Variants in ARHGAP35 observed in about 807,000 individuals in gnomAD.
ARHGAP35 encodes Rho GTPase activating protein 35, also known as rho GTPase-activating protein 35.
Under a neutral mutation model 111.1 loss-of-function variants are expected in ARHGAP35, and 15 were observed. The ratio of observed to expected loss-of-function variants is 0.13; its 90% CI spans 0.09 to 0.21. The LOEUF (loss-of-function observed/expected upper bound fraction) is 0.21. Ranked by LOEUF, ARHGAP35 falls within the 10% of genes least tolerant of loss-of-function variation. The pLI is 1.00. For missense variants in ARHGAP35, 1,262 were observed against 1,873.0 expected, an observed-to-expected ratio of 0.67 and a Z score of 6.02; for synonymous variants, 643 against 710.3, an observed-to-expected ratio of 0.91 and a Z score of 1.51.
In ARHGAP35 at chr19:46,883,215, C is replaced by T. The variant is rs192782135; in HGVS notation, c.-189+22006C>T. 1.8e-4 allele frequency among the ~76,000 whole-genome samples: 28 copies of T among 152,202 alleles called. No individual in the cohort carries two copies. The East Asian group carries it at 5.2e-3, about 28-fold the overall frequency. The stretch of plus-strand genomic sequence containing the variant: ...GTTCAAGCGATCCTCCTGCCTTAGC[C>T]CCACTAGTAGCTGGGATTACAGGCA... On this transcript the variant is annotated intron_variant, in intron 1 of 6. Coordinates refer to ENST00000672722, the MANE Select transcript of ARHGAP35 (RefSeq NM_004491.5).
rs2056240156 is a variant in ARHGAP35 at position 46,926,664 on chromosome 19, A to G, written c.3681+4308A>G. Among the ~76,000 whole-genome samples the G allele has an allele frequency of 6.6e-6, 1 of 152,166 alleles. No individual in the cohort carries two copies. Among genetic ancestry groups the G allele is most frequent in the South Asian group, 2.1e-4 (1 of 4,828 alleles). On this transcript the variant is annotated intron_variant, in intron 2 of 6. Transcript: ENST00000672722. This position sits in a 1 kb window ranked among gnomAD's most constrained non-coding sequence, Gnocchi z 4.1. ...AAGACAAAACAGAATGATAAAGAAA[A>G]TCTTTCACTCACTGCAGCAACCACA...
intron 1 of ARHGAP35, among the ~76,000 whole-genome samples, chr19:46,877,992 G>A (rs1306213300): frequency 6.6e-6 from 1 of 152,020 alleles, no homozygotes; most frequent in Non-Finnish European, 1.5e-5. Context: ...ACAGGCATTA[G>A]CCACCGCTCC....
chr19:46,878,578 G>A (rs1350399755), intron 1 of ARHGAP35, among the ~76,000 whole-genome samples: 12 of 152,062 alleles, frequency 7.9e-5, no homozygotes, highest in Admixed American at 6.6e-4. Flanking sequence ...CTCGGCCTCC[G>A]GAAGTGCTGG....
At chr19:46,877,112 G>A (rs1040863237) in intron 1 of ARHGAP35, among the ~76,000 whole-genome samples, 1 of 151,702 alleles carries the variant, frequency 6.6e-6, no homozygotes, top group Admixed American at 6.6e-5. Flanking sequence ...AGTCAGGCGT[G>A]GTGGCGCATG....
At chr19:46,972,108 C>T (rs535728198) in intron 3 of ARHGAP35, among the ~76,000 whole-genome samples, 1 of 152,314 alleles carries the variant, frequency 6.6e-6, no homozygotes, top group African/African-American at 2.4e-5. Context: ...CTCCCGGGTT[C>T]AAGCGATCCC....
rs374949912 is a variant in ARHGAP35 at position 46,940,982 on chromosome 19, C to G, written c.3826+3574C>G. Among the ~76,000 whole-genome samples, 4 of 152,142 alleles carry G rather than the reference C, an allele frequency of 2.6e-5. No homozygotes were observed. The East Asian group carries it at 5.8e-4, about 22-fold the overall frequency. ...CCAGATGCAGGTCGCACTCATAATC[C>G]TCCTTCCCGGACTCAGGAACAGCAA... On this transcript the variant is annotated intron_variant, in intron 3 of 6. Coordinates refer to ENST00000672722, the MANE Select transcript of ARHGAP35 (RefSeq NM_004491.5).
At chr19:46,870,221 T>C (rs2055880531) in intron 1 of ARHGAP35, among the ~76,000 whole-genome samples, 1 of 151,616 alleles carries the variant, frequency 6.6e-6, no homozygotes, top group South Asian at 2.1e-4. Flanking sequence ...AGTGCTGGGA[T>C]TACAGGCGTG....
At chr19:46,987,451 G>C (rs1186015836) in intron 3 of ARHGAP35, among the ~76,000 whole-genome samples, 9 of 151,200 alleles carry the variant, frequency 6.0e-5, no homozygotes, top group Non-Finnish European at 4.4e-5. Context: ...CTGACCTCAA[G>C]TGATCCTCCT....
At chr19:46,942,356 G>A (rs1349029101) in intron 3 of ARHGAP35, among the ~76,000 whole-genome samples, 1 of 152,216 alleles carries the variant, frequency 6.6e-6, no homozygotes, top group South Asian at 2.1e-4. Flanking sequence ...AGAAGAGGCC[G>A]GGTGCAGTGG....
Position 46,999,454 on chromosome 19 carries a change from A to G in ARHGAP35, c.4142+45A>G. The G allele has an allele frequency of 7.9e-7, 1 of 1,258,710 alleles. No individual in the cohort carries two copies. Among genetic ancestry groups the G allele is most frequent in the East Asian group, 2.5e-5 (1 of 39,606 alleles). 78.0% of individuals were successfully genotyped at this position (1,258,710 alleles called of 1,614,324 possible). On this transcript the variant is annotated intron_variant, in intron 6 of 6. Transcript: ENST00000672722. This position sits in a 1 kb window ranked among gnomAD's most constrained non-coding sequence, Gnocchi z 5.4. ...GGTTGGTTTTTCCTCCTGAAAATTG[A>G]CAGCCAGGGTCAGTGTGTCGCAGAA...
rs1431607269 is a variant in ARHGAP35, at chr19:46,919,932, C to G, written c.1257C>G (p.His419Gln). The G allele has an allele frequency of 6.2e-7, 1 of 1,613,974 alleles. No individual in the cohort carries two copies. ...CTGCAGAGCAGCTATACGAGGCCCA[C>G]TTAGAGAAGCTGAGGAACGAAAGGA... The part of the protein sequence containing the change: ...TVPAEQLYEA[H>Q]LEKLRNERKR... The change falls in exon 2 of 7, where the codon CAC becomes CAG. Residue 419 changes from histidine (H) to glutamine (Q), a missense_variant. Transcript: ENST00000672722. The surrounding 1 kb of genome is among the most constrained non-coding windows in gnomAD (Gnocchi z 6.2).
Position 46,919,762 on chromosome 19 carries a change from T to C in ARHGAP35, c.1087T>C (p.Cys363Arg). 1 of 1,614,012 alleles carries C rather than the reference T, an allele frequency of 6.2e-7. No homozygotes were observed. Among genetic ancestry groups the C allele is most frequent in the East Asian group, 2.2e-5 (1 of 44,890 alleles). ...PNLDEIDHLSCIKAKKLLETK... is the reference protein window; with the variant it reads ...PNLDEIDHLSRIKAKKLLETK... ...TCTAGATGAAATAGACCACCTAAGC[T>C]GCATAAAAGCCAAAAAGCTCTTAGA... Residue 363 changes from cysteine to arginine, a missense_variant, in exon 2 of 7, where the codon TGC becomes CGC. Coordinates refer to ENST00000672722, the MANE Select transcript of ARHGAP35 (RefSeq NM_004491.5). The surrounding 1 kb of genome is among the most constrained non-coding windows in gnomAD (Gnocchi z 6.2).
At chr19:46,863,603 T>C (rs893645760) in intron 1 of ARHGAP35, among the ~76,000 whole-genome samples, 11 of 152,016 alleles carry the variant, frequency 7.2e-5, no homozygotes, top group Non-Finnish European at 1.5e-4. Context: ...GTACCCTCTC[T>C]CCCCTTCCAC....
At chr19:46,874,626 T>A (rs913202246) in intron 1 of ARHGAP35, among the ~76,000 whole-genome samples, 2 of 149,120 alleles carry the variant, frequency 1.3e-5, no homozygotes, top group Non-Finnish European at 3.0e-5. Flanking sequence ...TGCCTCAGCC[T>A]CCTGAGTAGC....
chr19:46,954,354 T>C (rs2056428074), intron 3 of ARHGAP35, among the ~76,000 whole-genome samples: 1 of 152,180 alleles, frequency 6.6e-6, no homozygotes, highest in African/African-American at 2.4e-5. Context: ...GGGACCTGGC[T>C]CTCCAGAGTC....
Position 46,918,762 on chromosome 19 carries a change from C to T in ARHGAP35, c.87C>T (p.Gly29=), listed in dbSNP as rs769118981. 5 of 1,613,958 alleles carry T rather than the reference C, an allele frequency of 3.1e-6. No individual in the cohort carries two copies. The African/African-American group carries it at 5.3e-5, about 17-fold the overall frequency. ...TATCTGGGACCGAGAAGGAAAAGGG[C>T]CAGTGTGGGATTGGAAAGTCTTGTT... The part of the protein sequence containing the change: ...VGLSGTEKEK[G]QCGIGKSCLC... Residue 29 remains glycine, a synonymous_variant, in exon 2 of 7, where the codon GGC becomes GGT. Transcript: ENST00000672722. The surrounding 1 kb of genome is among the most constrained non-coding windows in gnomAD (Gnocchi z 5.4).
Position 47,000,286 on chromosome 19 carries a change from G to T in ARHGAP35, c.4143-45G>T. The T allele has an allele frequency of 6.3e-7, 1 of 1,577,356 alleles. No homozygotes were observed. The highest frequency in any genetic ancestry group is 1.1e-5 in the South Asian group (1 of 87,076). ...AGACCATGAGCGCCCAGGGCCAGGT[G>T]GGGCCCTGCACAGTTCTGACCATTG... On this transcript the variant is annotated intron_variant, in intron 6 of 6. Coordinates refer to ENST00000672722, the MANE Select transcript of ARHGAP35 (RefSeq NM_004491.5). This position sits in a 1 kb window ranked among gnomAD's most constrained non-coding sequence, Gnocchi z 6.9.
intron 3 of ARHGAP35, among the ~76,000 whole-genome samples, chr19:46,984,859 T>C (rs1265250088): frequency 6.6e-6 from 1 of 152,192 alleles, no homozygotes; most frequent in African/African-American, 2.4e-5. Flanking sequence ...CCGGGGCCGG[T>C]GGCCATTATG....
chr19:46,937,672 G>A (rs1200457411), intron 3 of ARHGAP35, among the ~76,000 whole-genome samples: 6 of 152,184 alleles, frequency 3.9e-5, no homozygotes, highest in African/African-American at 9.7e-5. Flanking sequence ...CTGCTTGGGC[G>A]CTTTCTCTGT....
Sources: allele counts gnomAD v4.1 joint callset (sites outside exome capture counted in the v4.1 genomes callset), GRCh38; gene constraint gnomAD v4.1.1; non-coding constraint Gnocchi (gnomAD v3.1); transcripts MANE v1.5; gene names NCBI Gene and HGNC (gene_info 2026-07-23, HGNC 2026-07-21).